Variants in STK32B observed in about 807,000 individuals in gnomAD.
STK32B encodes serine/threonine-protein kinase 32B.
STK32B carries 43 observed loss-of-function variants against 52.6 expected under a neutral mutation model. The observed-to-expected ratio is 0.82, with a 90% CI of 0.64 to 1.05. The LOEUF is 1.05. Among genes scored for constraint, STK32B ranks in the 50% least tolerant of loss-of-function variants. The probability of loss-of-function intolerance (pLI) is 0.00; values close to 1 mark genes in which losing one functional copy is unlikely to be tolerated. For synonymous variants in STK32B, 238 were observed against 204.3 expected (o/e 1.17, Z -1.41); for missense variants, 621 against 534.6 (o/e 1.16, Z -1.59).
chr4:5,277,060 C>T (rs1000113519), intron 3 of STK32B, among the ~76,000 whole-genome samples: 2 of 152,194 alleles, frequency 1.3e-5, no homozygotes, highest in East Asian at 1.9e-4. Flanking sequence ...GTTCATTCTC[C>T]CTGACTCCAA....
At chr4:5,325,772 C>T (rs543716436) in intron 3 of STK32B, among the ~76,000 whole-genome samples, 1 of 152,254 alleles carries the variant, frequency 6.6e-6, no homozygotes, top group African/African-American at 2.4e-5. Flanking sequence ...TAGAGCTTAG[C>T]TTTCTTATTT....
chr4:5,202,595 A>T (rs1303869636), intron 3 of STK32B, among the ~76,000 whole-genome samples: 2 of 152,396 alleles, frequency 1.3e-5, no homozygotes, highest in South Asian at 2.1e-4. Flanking sequence ...CCACCACTGC[A>T]GCAGACTTCT....
chr4:5,483,643 T>A, intron 11 of STK32B, among the ~76,000 whole-genome samples: 1 of 152,186 alleles, frequency 6.6e-6, no homozygotes, highest in Non-Finnish European at 1.5e-5. Context: ...TTGAATGTGT[T>A]TGCTCTTGCT....
intron 3 of STK32B, among the ~76,000 whole-genome samples, chr4:5,177,914 A>G (rs1170188325): frequency 6.6e-6 from 1 of 152,178 alleles, no homozygotes; most frequent in African/African-American, 2.4e-5. Context: ...CCTCCTTCCC[A>G]GCTGTTTTCA....
chr4:5,049,447 A>T (rs13115171), upstream of STK32B, among the ~76,000 whole-genome samples: 30,199 of 152,142 alleles, frequency 0.2, 3,231 homozygotes, highest in Middle Eastern at 0.27. Flanking sequence ...CTGAGTCCGA[A>T]AAGAGAGTCA....
At chr4:5,110,272 CAAAA>C (rs367760309) in intron 1 of STK32B, among the ~76,000 whole-genome samples, 5 of 106,714 alleles carry the variant, frequency 4.7e-5, no homozygotes, top group Admixed American at 1.0e-4. Flanking sequence ...CATATGGAAC[CAAAA>C]AAAAAAAAAA....
At chr4:5,356,451 C>G (rs538018797) in intron 4 of STK32B, among the ~76,000 whole-genome samples, 1 of 152,180 alleles carries the variant, frequency 6.6e-6, no homozygotes, top group Non-Finnish European at 1.5e-5. Flanking sequence ...TGGGAAGACA[C>G]CATTCAGCCC....
rs530240697 is a variant in STK32B, at chr4:5,428,945, G to A, written c.562+12011G>A. ...TAGTGTTTACATGACATATCCAGTG[G>A]TTTGCTGGTAAATGTCTAACAGCTA... On this transcript the variant is annotated intron_variant, in intron 6 of 11. Coordinates refer to ENST00000282908, the MANE Select transcript of STK32B (RefSeq NM_018401.3). Among the ~76,000 whole-genome samples, 12 of 152,230 alleles carry A rather than the reference G, an allele frequency of 7.9e-5. No homozygotes were observed. In the South Asian group the frequency reaches 2.5e-3, roughly 32 times the overall value.
chr4:5,471,233 C>A (rs963922098), intron 11 of STK32B, among the ~76,000 whole-genome samples: 2 of 152,162 alleles, frequency 1.3e-5, no homozygotes, highest in Non-Finnish European at 2.9e-5. Flanking sequence ...CTAAGCCCCC[C>A]TACTTCAGAA....
intron 4 of STK32B, among the ~76,000 whole-genome samples, chr4:5,334,861 C>T (rs1732532494): frequency 6.6e-6 from 1 of 151,986 alleles, no homozygotes; most frequent in South Asian, 2.1e-4. Context: ...TTTTGATGTG[C>T]TGCTGGATTC....
At position 5,051,599 on chromosome 4, in the gene STK32B, G is replaced by C. The variant is rs1577609724; in HGVS notation, c.-265G>C. Reference sequence around the variant, plus strand: ...CCCGGGTTCCCGGGCGGGCACTGGAGTAAGGAGCTGCGAGCGCAGCCCGAG... The same window carrying C: ...CCCGGGTTCCCGGGCGGGCACTGGACTAAGGAGCTGCGAGCGCAGCCCGAG... On this transcript the variant is annotated 5_prime_UTR_variant, in exon 1 of 12. Transcript: ENST00000282908. 2.1e-6 allele frequency: 1 copy of C among 481,312 alleles called. No individual in the cohort carries two copies. The highest frequency in any genetic ancestry group is 3.8e-5 in the East Asian group (1 of 26,098). The allele number at this position is 481,312 out of a possible 1,614,324, so 29.8% of individuals were successfully genotyped here.
chr4:5,249,839 G>C (rs953137285), intron 3 of STK32B, among the ~76,000 whole-genome samples: 2 of 152,010 alleles, frequency 1.3e-5, no homozygotes, highest in Non-Finnish European at 2.9e-5. Flanking sequence ...ACAGGGGTTT[G>C]GTGTACAGAT....
At chr4:5,111,582 A>C (rs549755675) in intron 1 of STK32B, among the ~76,000 whole-genome samples, 1 of 152,238 alleles carries the variant, frequency 6.6e-6, no homozygotes, top group South Asian at 2.1e-4. Context: ...ATGGACATAA[A>C]GATGGAGAGA....
intron 1 of STK32B, among the ~76,000 whole-genome samples, chr4:5,096,893 G>A: frequency 6.6e-6 from 1 of 152,180 alleles, no homozygotes; most frequent in East Asian, 1.9e-4. Flanking sequence ...TGTTTATGGA[G>A]CTCCTGCTAA....
intron 4 of STK32B, among the ~76,000 whole-genome samples, chr4:5,334,823 A>G (rs2108960032): frequency 6.6e-6 from 1 of 152,220 alleles, no homozygotes; most frequent in Middle Eastern, 3.4e-3. Flanking sequence ...CCTGGGGATG[A>G]AGCCCACTTG....
At chr4:5,462,260 G>A (rs751211985) in intron 9 of STK32B, among the ~76,000 whole-genome samples, 1 of 151,678 alleles carries the variant, frequency 6.6e-6, no homozygotes, top group Non-Finnish European at 1.5e-5. Flanking sequence ...CTCTGTTTTT[G>A]TGTCTGTATG....
chr4:5,285,746 C>G (rs945167393), intron 3 of STK32B, among the ~76,000 whole-genome samples: 1 of 152,118 alleles, frequency 6.6e-6, no homozygotes, highest in East Asian at 1.9e-4. Context: ...GTAAGTAGCA[C>G]ACAATTTAGA....
chr4:5,362,310 A>G (rs187427141), intron 4 of STK32B, among the ~76,000 whole-genome samples: 311 of 152,314 alleles, frequency 2.0e-3, no homozygotes, highest in African/African-American at 7.3e-3. Flanking sequence ...CTCATGATCT[A>G]TTTGTAAATT....
At chr4:5,419,676 A>T (rs1484788563) in intron 6 of STK32B, among the ~76,000 whole-genome samples, 1 of 152,034 alleles carries the variant, frequency 6.6e-6, no homozygotes, top group African/African-American at 2.4e-5. Context: ...GCTTCTTGTC[A>T]CTGTTGTGTT....
Sources: gnomAD v4.1 joint callset for allele counts (sites outside exome capture counted in the v4.1 genomes callset) on GRCh38, gnomAD v4.1.1 for gene constraint, MANE v1.5 for transcripts, NCBI Gene and HGNC (gene_info 2026-07-23, HGNC 2026-07-21) for gene names.